BBOX1: variants seen among roughly 807,000 people sequenced by gnomAD.
The protein encoded by BBOX1 is gamma-butyrobetaine hydroxylase 1, also known as gamma-butyrobetaine dioxygenase.
BBOX1 carries 35 observed loss-of-function variants against 41.6 expected under a neutral mutation model. The ratio of observed to expected loss-of-function variants is 0.84; its 90% CI spans 0.64 to 1.11. BBOX1 has a LOEUF of 1.11. Ranked by LOEUF, BBOX1 falls within the 50% of genes most tolerant of loss-of-function variation. The pLI is 0.00. For synonymous variants in BBOX1, 163 were observed against 154.7 expected, an observed-to-expected ratio of 1.05 and a Z score of -0.40; for missense variants, 458 against 460.6, an observed-to-expected ratio of 0.99 and a Z score of 0.05.
chr11:27,053,248 T>C (rs1028400017), intron 2 of BBOX1, among the ~76,000 whole-genome samples: 1 of 152,200 alleles, frequency 6.6e-6, no homozygotes, highest in Non-Finnish European at 1.5e-5. Context: ...AGTTTAACTT[T>C]ATAAATGACA....
chr11:27,108,915 C>T (rs891980355), intron 5 of BBOX1, among the ~76,000 whole-genome samples: 1 of 151,972 alleles, frequency 6.6e-6, no homozygotes, highest in African/African-American at 2.4e-5. Context: ...TACCCTTTAC[C>T]GTATACCGTA....
chr11:27,042,177 AG>A lies in BBOX1; in HGVS notation c.-39+700del, dbSNP rs751420885. ...TACTTTGCATTACATCAGAAAACAA[AG>A]CCTTGATAATTTGATTTCCAATCTG... On this transcript the variant is annotated intron_variant, in intron 2 of 8. Coordinates refer to ENST00000263182, the MANE Select transcript of BBOX1 (RefSeq NM_003986.3). 2.6e-5 allele frequency among the ~76,000 whole-genome samples: 4 copies of A among 152,224 alleles called. No homozygotes were observed. In the East Asian group the frequency reaches 7.7e-4, roughly 29 times the overall value.
chr11:27,061,330 C>A (rs563120807), intron 4 of BBOX1, among the ~76,000 whole-genome samples: 4 of 152,200 alleles, frequency 2.6e-5, no homozygotes, highest in African/African-American at 9.6e-5. Flanking sequence ...TGACAGGCTG[C>A]AATCATGAAT....
chr11:27,096,497 G>C (rs1254744836), intron 5 of BBOX1, among the ~76,000 whole-genome samples: 3 of 151,976 alleles, frequency 2.0e-5, no homozygotes, highest in Admixed American at 2.0e-4. Context: ...GCTTATGACT[G>C]CTCTTGGTTA....
chr11:27,066,872 CT>C (rs539218691), intron 4 of BBOX1, among the ~76,000 whole-genome samples: 72 of 152,018 alleles, frequency 4.7e-4, no homozygotes, highest in African/African-American at 1.6e-3. Flanking sequence ...CTTTTTCTTT[CT>C]TTTTTTCTTA....
At chr11:27,078,212 G>A (rs923490989) in intron 4 of BBOX1, among the ~76,000 whole-genome samples, 1 of 152,032 alleles carries the variant, frequency 6.6e-6, no homozygotes, top group Non-Finnish European at 1.5e-5. Context: ...CCTAAACCAA[G>A]CCACAAATAT....
chr11:27,115,515 A>T lies in BBOX1; in HGVS notation c.597A>T (p.Leu199=). The part of the protein sequence containing the change: ...ANNVAYTTGK[L]SFHTDYPALH... Reference sequence around the variant, plus strand: ...ATGTGGCTTACACAACTGGGAAGCTAAGCTTTCACACTGATTATCCAGCCC... The same window carrying T: ...ATGTGGCTTACACAACTGGGAAGCTTAGCTTTCACACTGATTATCCAGCCC... Residue 199 remains leucine, a synonymous_variant, in exon 6 of 9, where the codon CTA becomes CTT. Transcript: ENST00000263182. The T allele has an allele frequency of 6.2e-7, 1 of 1,611,278 alleles. No homozygotes were observed. Among genetic ancestry groups the T allele is most frequent in the Non-Finnish European group, 8.5e-7 (1 of 1,178,178 alleles).
At chr11:27,088,301 C>T (rs1858116318) in intron 4 of BBOX1, among the ~76,000 whole-genome samples, 1 of 151,928 alleles carries the variant, frequency 6.6e-6, no homozygotes. Flanking sequence ...GCCACATGGT[C>T]ACTGAAACTC....
chr11:27,055,011 G>T (rs540767662), intron 2 of BBOX1, among the ~76,000 whole-genome samples: 2 of 152,226 alleles, frequency 1.3e-5, no homozygotes, highest in South Asian at 2.1e-4. Context: ...TAGGACAGGG[G>T]TGATTGTTAC....
At chr11:27,077,312 G>T (rs1486826357) in intron 4 of BBOX1, among the ~76,000 whole-genome samples, 1 of 152,086 alleles carries the variant, frequency 6.6e-6, no homozygotes, top group Non-Finnish European at 1.5e-5. Context: ...CCCTAAATCA[G>T]CTCCAGTGCC....
At chr11:27,054,836 C>T (rs1175288448) in intron 2 of BBOX1, among the ~76,000 whole-genome samples, 1 of 152,110 alleles carries the variant, frequency 6.6e-6, no homozygotes, top group African/African-American at 2.4e-5. Context: ...AGAACAGAAA[C>T]AGCGCAATAT....
chr11:27,059,792 G>A (rs1412050897), intron 4 of BBOX1, among the ~76,000 whole-genome samples: 2 of 152,178 alleles, frequency 1.3e-5, no homozygotes, highest in African/African-American at 2.4e-5. Flanking sequence ...GGACTTGCAT[G>A]GGCCCTGTAC....
chr11:27,105,268 G>C (rs1858822132), intron 5 of BBOX1, among the ~76,000 whole-genome samples: 1 of 152,146 alleles, frequency 6.6e-6, no homozygotes, highest in African/African-American at 2.4e-5. Flanking sequence ...AGAGAAGATG[G>C]CTTCAGACGA....
intron 2 of BBOX1, among the ~76,000 whole-genome samples, chr11:27,054,516 T>A (rs1308617797): frequency 3.3e-5 from 5 of 152,154 alleles, no homozygotes; most frequent in Non-Finnish European, 7.3e-5. Flanking sequence ...GGAATCAGGA[T>A]CAACACCGTT....
At chr11:27,057,833 G>A (rs1187646399) in intron 4 of BBOX1, among the ~76,000 whole-genome samples, 17 of 151,978 alleles carry the variant, frequency 1.1e-4, no homozygotes, top group Non-Finnish European at 2.5e-4. Context: ...TGCACACAAA[G>A]CCACGTTTGT....
chr11:27,053,054 G>C (rs926822111), intron 2 of BBOX1, among the ~76,000 whole-genome samples: 5 of 152,024 alleles, frequency 3.3e-5, no homozygotes, highest in African/African-American at 1.2e-4. Context: ...ATATTTCCTA[G>C]TCAAAAAATG....
intron 4 of BBOX1, among the ~76,000 whole-genome samples, chr11:27,060,276 T>C (rs537187374): frequency 6.6e-6 from 1 of 152,240 alleles, no homozygotes; most frequent in East Asian, 1.9e-4. Context: ...ACCTCCCTTA[T>C]CTGTTTCTCC....
At chr11:27,065,356 C>T (rs993602608) in intron 4 of BBOX1, among the ~76,000 whole-genome samples, 4 of 152,268 alleles carry the variant, frequency 2.6e-5, no homozygotes, top group African/African-American at 7.2e-5. Context: ...ATATTGATGT[C>T]TTTCAATGTG....
chr11:27,119,958 AT>A (rs1220608431), intron 7 of BBOX1, 113 bp downstream of exon 7: 1 of 617,136 alleles, frequency 1.6e-6, no homozygotes, highest in African/African-American at 1.9e-5. Context: ...CTTTATTTTT[AT>A]TAACATTTCA....
Sources: allele counts gnomAD v4.1 joint callset (sites outside exome capture counted in the v4.1 genomes callset), GRCh38; gene constraint gnomAD v4.1.1; transcripts MANE v1.5; gene names NCBI Gene and HGNC (gene_info 2026-07-23, HGNC 2026-07-21).